Variants in DMXL1 observed in about 807,000 individuals in gnomAD.
DMXL1 encodes the protein dmX-like protein 1.
A neutral mutation model predicts 319.2 loss-of-function variants in DMXL1; 99 were observed. The ratio of observed to expected loss-of-function variants is 0.31; its 90% CI spans 0.26 to 0.37. The LOEUF (loss-of-function observed/expected upper bound fraction) is 0.37, where lower values mean the gene tolerates loss of function less well. Among genes scored for constraint, DMXL1 ranks in the 10% least tolerant of loss-of-function variants. DMXL1 has a pLI of 1.00. For synonymous variants in DMXL1, 1,385 were observed against 1,235.2 expected (o/e 1.12, Z -2.54); for missense variants, 3,745 against 3,595.6 (o/e 1.04, Z -1.06).
rs748568077 is a variant in DMXL1 at position 119,110,170 on chromosome 5, T to G, written c.384T>G (p.Gly128=). ...TTTTAGGCAGTCGTCTTTTAACTGG[T>G]TCCAGCTATTTGCAACTCTGGTCCA... ...WDPTGSRLLT[G]SSYLQLWSNT... Residue 128 remains glycine, a synonymous_variant, in exon 5 of 44, where the codon GGT becomes GGG. Transcript: ENST00000539542. 1 of 1,596,798 alleles carries G rather than the reference T, an allele frequency of 6.3e-7. No individual in the cohort carries two copies. Among genetic ancestry groups the G allele is most frequent in the Non-Finnish European group, 8.5e-7 (1 of 1,174,780 alleles).
At chr5:119,166,191 A>T (rs1383237069) in intron 21 of DMXL1, among the ~76,000 whole-genome samples, 1 of 152,200 alleles carries the variant, frequency 6.6e-6, no homozygotes, top group Non-Finnish European at 1.5e-5. Context: ...AAATCACGAT[A>T]ACAAATCGGT....
intron 42 of DMXL1, among the ~76,000 whole-genome samples, chr5:119,241,811 A>G (rs1160519327): frequency 2.0e-5 from 3 of 152,182 alleles, no homozygotes; most frequent in African/African-American, 7.2e-5. Context: ...TTTACTGGAG[A>G]GAAGACCTGC....
chr5:119,216,328 T>G (rs561184294), intron 34 of DMXL1, among the ~76,000 whole-genome samples: 1 of 152,234 alleles, frequency 6.6e-6, no homozygotes, highest in East Asian at 1.9e-4. Context: ...ATTTAGCTAC[T>G]AAAATGATTA....
At chr5:119,226,012 G>A (rs1008642352) in intron 38 of DMXL1, among the ~76,000 whole-genome samples, 2 of 152,068 alleles carry the variant, frequency 1.3e-5, no homozygotes, top group Admixed American at 6.6e-5. Context: ...AGATACTGAA[G>A]GGACTTCATT....
At chr5:119,192,977 G>C (rs948372801) in intron 29 of DMXL1, among the ~76,000 whole-genome samples, 2 of 151,992 alleles carry the variant, frequency 1.3e-5, no homozygotes, top group African/African-American at 4.8e-5. Flanking sequence ...CAGACCTGTT[G>C]GTTCTTTCTC....
chr5:119,237,476 T>C lies in DMXL1; in HGVS notation c.8559+62T>C, dbSNP rs1561942286. 7.9e-6 allele frequency: 8 copies of C among 1,008,910 alleles called. No homozygotes were observed. In the Middle Eastern group the frequency reaches 6.9e-4, roughly 87 times the overall value. 62.5% of individuals were successfully genotyped at this position (1,008,910 alleles called of 1,614,324 possible). A position where few individuals can be genotyped will look rare whatever the true frequency, so the allele number is the denominator to read the frequency against. On this transcript the variant is annotated intron_variant, in intron 40 of 43. Transcript: ENST00000539542. ...ATTTTCATTTTAAATAAACCAAGAATACGTATTTGAGACAAGAAATATAGA... is the reference window on the plus strand; with the variant it reads ...ATTTTCATTTTAAATAAACCAAGAACACGTATTTGAGACAAGAAATATAGA...
chr5:119,217,790 G>A (rs562166726), intron 35 of DMXL1, among the ~76,000 whole-genome samples: 11 of 152,092 alleles, frequency 7.2e-5, no homozygotes, highest in Admixed American at 3.9e-4. Flanking sequence ...TGTGATATAC[G>A]GGGAAATTAC....
chr5:119,193,375 CTTA>C (rs1779036986), intron 29 of DMXL1, among the ~76,000 whole-genome samples: 1 of 152,140 alleles, frequency 6.6e-6, no homozygotes, highest in African/African-American at 2.4e-5. Flanking sequence ...TTTCTTCCCT[CTTA>C]TTATATGGCT....
chr5:119,225,132 A>C (rs1785300697), intron 38 of DMXL1, among the ~76,000 whole-genome samples: 1 of 151,992 alleles, frequency 6.6e-6, no homozygotes, highest in South Asian at 2.1e-4. Context: ...AATTATTTTA[A>C]TAATAGAACC....
At chr5:119,205,418 C>G (rs1781573065) in intron 33 of DMXL1, among the ~76,000 whole-genome samples, 1 of 151,940 alleles carries the variant, frequency 6.6e-6, no homozygotes, top group African/African-American at 2.4e-5. Flanking sequence ...CATGATATCT[C>G]AAGAAAATTT....
At chr5:119,221,531 T>G (rs1199721535) in intron 37 of DMXL1, among the ~76,000 whole-genome samples, 1 of 152,214 alleles carries the variant, frequency 6.6e-6, no homozygotes, top group Non-Finnish European at 1.5e-5. Context: ...TTCAGTGTTT[T>G]TTTACAAATA....
Position 119,220,959 on chromosome 5 carries a change from A to G in DMXL1, c.8155A>G (p.Ile2719Val). Residue 2719 changes from isoleucine (I) to valine (V), a missense_variant, in exon 37 of 44, where the codon ATA (isoleucine) becomes GTA (valine). Ile to Val is a conservative substitution (Grantham distance 29). Transcript: ENST00000539542. ...ETKGSEDFLV[I>V]HARDDLTAVQ... ...TTATAGATCAGAAGATTTCTTGGTT[A>G]TACATGCTCGTGATGATTTAACAGC... 6.2e-7 allele frequency: 1 copy of G among 1,613,508 alleles called. No homozygotes were observed. Among genetic ancestry groups the G allele is most frequent in the Non-Finnish European group, 8.5e-7 (1 of 1,179,692 alleles).
At chr5:119,193,792 A>G (rs1444033456) in intron 29 of DMXL1, 36 bp from the exon 30 acceptor site, 1 of 1,591,628 alleles carries the variant, frequency 6.3e-7, no homozygotes, top group Non-Finnish European at 8.6e-7. Context: ...TAAATTAGAT[A>G]TGTGGCTGCT....
chr5:119,231,179 C>G (rs1033405388), intron 38 of DMXL1, among the ~76,000 whole-genome samples: 1 of 152,148 alleles, frequency 6.6e-6, no homozygotes, highest in Non-Finnish European at 1.5e-5. Flanking sequence ...TTAAAAACTT[C>G]CCTGTTGTGG....
chr5:119,113,356 C>T (rs1201498911), intron 5 of DMXL1, among the ~76,000 whole-genome samples: 1 of 152,192 alleles, frequency 6.6e-6, no homozygotes, highest in Non-Finnish European at 1.5e-5. Context: ...ATTCTCCTGC[C>T]TCAGCCTTCC....
intron 25 of DMXL1, among the ~76,000 whole-genome samples, chr5:119,173,226 G>C (rs1367931925): frequency 6.6e-6 from 1 of 151,988 alleles, no homozygotes; most frequent in Non-Finnish European, 1.5e-5. Flanking sequence ...TATAATCTCA[G>C]GTGTTTGGGA....
Position 119,247,262 on chromosome 5 carries a change from T to G in DMXL1, c.*43T>G. The G allele has an allele frequency of 7.3e-7, 1 of 1,374,478 alleles. No individual in the cohort carries two copies. Among genetic ancestry groups the G allele is most frequent in the Middle Eastern group, 1.8e-4 (1 of 5,446 alleles). 85.1% of individuals were successfully genotyped at this position (1,374,478 alleles called of 1,614,324 possible). On this transcript the variant is annotated 3_prime_UTR_variant, in exon 44 of 44. Coordinates refer to ENST00000539542, the MANE Select transcript of DMXL1 (RefSeq NM_001290321.3). ...GTACAATTTATTACCTATATGGAAG[T>G]GGCCAACAGATATAATATACAGTGA... is the stretch of plus-strand genomic sequence containing the variant.
chr5:119,222,087 C>T (rs939890080), intron 37 of DMXL1, among the ~76,000 whole-genome samples: 4 of 152,044 alleles, frequency 2.6e-5, no homozygotes, highest in African/African-American at 9.7e-5. Flanking sequence ...AGCAATTGTT[C>T]AAGTAAAATC....
chr5:119,188,494 AT>A (rs563631480), intron 28 of DMXL1, among the ~76,000 whole-genome samples: 143 of 152,380 alleles, frequency 9.4e-4, no homozygotes, highest in African/African-American at 3.0e-3. Flanking sequence ...AGGTAAAAAA[AT>A]ATCTCTATAG....
Sources: allele counts gnomAD v4.1 joint callset (sites outside exome capture counted in the v4.1 genomes callset), GRCh38; gene constraint gnomAD v4.1.1; transcripts MANE v1.5; gene names NCBI Gene and HGNC (gene_info 2026-07-23, HGNC 2026-07-21).